The following NDEL1 variants were observed in gnomAD, a reference collection of about 807,000 sequenced individuals.
NDEL1 encodes nudE neurodevelopment protein 1 like 1, also known as nuclear distribution protein nudE-like 1.
Under a neutral mutation model 45.7 loss-of-function variants are expected in NDEL1, and 9 were observed. That is an observed-to-expected ratio of 0.20 (90% CI 0.12 to 0.34). The LOEUF (loss-of-function observed/expected upper bound fraction) is 0.34. NDEL1 is among the 10% of genes least tolerant of loss of function. The pLI is 1.00. For missense variants in NDEL1, 306 were observed against 406.2 expected, an observed-to-expected ratio of 0.75 and a Z score of 2.12; for synonymous variants, 133 against 158.6, an observed-to-expected ratio of 0.84 and a Z score of 1.21.
chr17:8,462,487 T>C (rs1911272027), intron 8 of NDEL1, among the ~76,000 whole-genome samples: 1 of 152,204 alleles, frequency 6.6e-6, no homozygotes, highest in South Asian at 2.1e-4. Context: ...TGGCTTTTCT[T>C]CTGCCAACCT....
intron 1 of NDEL1, among the ~76,000 whole-genome samples, chr17:8,414,677 A>G (rs993222393): frequency 1.3e-5 from 2 of 151,940 alleles, no homozygotes; most frequent in Non-Finnish European, 2.9e-5. Flanking sequence ...AAAAAAAAAA[A>G]GTGTCATACC....
intron 6 of NDEL1, among the ~76,000 whole-genome samples, chr17:8,452,160 C>A (rs938688455): frequency 1.3e-5 from 2 of 152,218 alleles, no homozygotes; most frequent in African/African-American, 4.8e-5. Flanking sequence ...CAGGAGCCCT[C>A]ACGGTCAGTT....
At chr17:8,468,962 T>C (rs985980662), downstream of NDEL1, among the ~76,000 whole-genome samples, 1 of 152,068 alleles carries the variant, frequency 6.6e-6, no homozygotes, top group African/African-American at 2.4e-5. Context: ...TGAGATCATG[T>C]CACTGCACTC....
chr17:8,431,045 C>T (rs2151699568), upstream of NDEL1, among the ~76,000 whole-genome samples: 1 of 152,312 alleles, frequency 6.6e-6, no homozygotes, highest in South Asian at 2.1e-4. Flanking sequence ...AGTTTTGGGT[C>T]CAGGCCGCGT....
intron 1 of NDEL1, among the ~76,000 whole-genome samples, chr17:8,430,749 C>T (rs1486519302): frequency 6.6e-6 from 1 of 152,136 alleles, no homozygotes; most frequent in Non-Finnish European, 1.5e-5. Context: ...CCTTTTTTAC[C>T]ACCACAAGGG....
upstream of NDEL1, among the ~76,000 whole-genome samples, chr17:8,432,328 A>AAT (rs1567722336): frequency 9.4e-5 from 10 of 106,554 alleles, no homozygotes; most frequent in East Asian, 2.5e-4. Context: ...TTTATATATA[A>AAT]ATATATATAT....
At chr17:8,434,735 A>G (rs1487179957), upstream of NDEL1, among the ~76,000 whole-genome samples, 1 of 151,908 alleles carries the variant, frequency 6.6e-6, no homozygotes, top group Non-Finnish European at 1.5e-5. Context: ...GCACACACAC[A>G]TACACGTGTG....
At chr17:8,425,144 GCTAT>G (rs1340516466) in intron 1 of NDEL1, among the ~76,000 whole-genome samples, 1 of 152,182 alleles carries the variant, frequency 6.6e-6, no homozygotes. Context: ...TCTCTTCTTT[GCTAT>G]CCTACTTTGA....
rs1911518930 is a variant in NDEL1, at chr17:8,465,449, C to T, written c.945-1481C>T. 6.6e-6 allele frequency: 1 copy of T among 152,184 alleles called. No homozygotes were observed. Among genetic ancestry groups the T allele is most frequent in the African/African-American group, 2.4e-5 (1 of 41,440 alleles). 9.4% of individuals were successfully genotyped at this position (152,184 alleles called of 1,614,324 possible). On this transcript the variant is annotated intron_variant, in intron 8 of 8. Coordinates refer to ENST00000334527, the MANE Select transcript of NDEL1 (RefSeq NM_030808.5). This position sits in a 1 kb window ranked among gnomAD's most constrained non-coding sequence, Gnocchi z 4.9. ...GCCTTTCTCCTGGGGCTCTTGGTCT[C>T]TGTATGCGTGGTTGGAATTTAAACT...
intron 1 of NDEL1, among the ~76,000 whole-genome samples, chr17:8,427,434 C>G (rs1038688736): frequency 6.6e-6 from 1 of 152,134 alleles, no homozygotes; most frequent in African/African-American, 2.4e-5. Flanking sequence ...GGCATGGTGG[C>G]TCATGCCTGT....
chr17:8,467,133 A>T lies in NDEL1; in HGVS notation c.*110A>T. On this transcript the variant is annotated 3_prime_UTR_variant, in exon 9 of 9. Coordinates refer to ENST00000334527, the MANE Select transcript of NDEL1 (RefSeq NM_030808.5). The surrounding 1 kb of genome is among the most constrained non-coding windows in gnomAD (Gnocchi z 6.3). ...CCCGTGCCCCTCCGTCTGCCTCCGC[A>T]CGGCTGGCAGAGGGCAGGCTGCATG... is the stretch of plus-strand genomic sequence containing the variant. The T allele has an allele frequency of 9.2e-7, 1 of 1,089,582 alleles. No individual in the cohort carries two copies. Among genetic ancestry groups the T allele is most frequent in the Non-Finnish European group, 1.4e-6 (1 of 738,962 alleles). 67.5% of individuals were successfully genotyped at this position (1,089,582 alleles called of 1,614,324 possible).
chr17:8,460,954 A>G (rs971052728), intron 8 of NDEL1, among the ~76,000 whole-genome samples: 6 of 152,108 alleles, frequency 3.9e-5, no homozygotes, highest in Non-Finnish European at 8.8e-5. Flanking sequence ...TAAATACTAC[A>G]TGGTAATACG....
upstream of NDEL1, chr17:8,435,795 G>A (rs1403210274): frequency 5.7e-6 from 2 of 349,894 alleles, no homozygotes; most frequent in South Asian, 2.0e-5. Context: ...CACCAGCCCC[G>A]CCCCACCCCG....
At chr17:8,420,120 T>C (rs1259638368) in intron 1 of NDEL1, among the ~76,000 whole-genome samples, 1 of 152,190 alleles carries the variant, frequency 6.6e-6, no homozygotes, top group East Asian at 1.9e-4. Context: ...CTCTTCTACG[T>C]CTGAGGGTCT....
At chr17:8,446,264 TA>T (rs1161491882) in intron 3 of NDEL1, among the ~76,000 whole-genome samples, 2 of 152,222 alleles carry the variant, frequency 1.3e-5, no homozygotes, top group African/African-American at 4.8e-5. Flanking sequence ...TAGTTAGGGT[TA>T]AAAATTTCCC....
At chr17:8,415,044 G>C (rs1442965352) in intron 1 of NDEL1, among the ~76,000 whole-genome samples, 1 of 152,154 alleles carries the variant, frequency 6.6e-6, no homozygotes, top group African/African-American at 2.4e-5. Flanking sequence ...CATCTTAGGA[G>C]TTCCCTTTTC....
downstream of NDEL1, among the ~76,000 whole-genome samples, chr17:8,468,809 GCCTGA>G (rs894236210): frequency 9.2e-5 from 14 of 152,248 alleles, no homozygotes; most frequent in African/African-American, 3.4e-4. Context: ...TTCGAGACCA[GCCTGA>G]CCAACATGGT....
intron 1 of NDEL1, among the ~76,000 whole-genome samples, chr17:8,438,151 G>T (rs978542329): frequency 6.6e-6 from 1 of 152,096 alleles, no homozygotes; most frequent in Non-Finnish European, 1.5e-5. Flanking sequence ...TAGAGACAGG[G>T]TTTCACCATG....
chr17:8,441,224 A>G (rs11657789), intron 1 of NDEL1, among the ~76,000 whole-genome samples: 147,857 of 152,280 alleles, frequency 0.97, 71,945 homozygotes, highest in East Asian at 1. Flanking sequence ...TACAAAGCAT[A>G]ACAAAATATT....
Sources: gnomAD v4.1 joint callset for allele counts (sites outside exome capture counted in the v4.1 genomes callset) on GRCh38, gnomAD v4.1.1 for gene constraint, Gnocchi (gnomAD v3.1) non-coding constraint, MANE v1.5 for transcripts, NCBI Gene and HGNC (gene_info 2026-07-23, HGNC 2026-07-21) for gene names.